FNBP1: variants seen among roughly 807,000 people sequenced by gnomAD.
The protein encoded by FNBP1 is formin-binding protein 1.
In FNBP1, 26 loss-of-function variants were observed where a neutral mutation model predicts 90.6. The ratio of observed to expected loss-of-function variants is 0.29; its 90% confidence interval spans 0.21 to 0.40. FNBP1 has a LOEUF of 0.40. Ranked by LOEUF, FNBP1 falls within the 10% of genes least tolerant of loss-of-function variation. The pLI is 1.00. For missense variants in FNBP1, 635 were observed against 768.0 expected (o/e 0.83, Z 2.05); for synonymous variants, 260 against 265.2 (o/e 0.98, Z 0.19).
chr9:130,013,893 C>T (rs1564575745), intron 1 of FNBP1: 3 of 429,858 alleles, frequency 7.0e-6, no homozygotes, highest in African/African-American at 6.1e-5. Flanking sequence ...AAAAGGCCTT[C>T]AACTGGTGCC....
chr9:129,907,583 GTGTGTGT>G (rs1564289655), intron 12 of FNBP1, among the ~76,000 whole-genome samples: 14 of 3,266 alleles, frequency 4.3e-3, no homozygotes, highest in East Asian at 0.025. Flanking sequence ...GAGTGAGGGT[GTGTGTGT>G]GTGTGTGTGT....
rs866869808 is a variant in FNBP1, at chr9:130,036,677, T to C, written c.24+6275A>G. Among the ~76,000 whole-genome samples, 115 of 152,292 alleles carry C rather than the reference T, an allele frequency of 7.6e-4. 1 individual carries two copies. The highest frequency in any genetic ancestry group is 2.5e-3 in the African/African-American group (103 of 41,570). On this transcript the variant is annotated intron_variant, in intron 1 of 16. Transcript: ENST00000446176. Reference sequence around the variant, plus strand: ...TGAAGCAGTTCTGCCCTACCCACCATGGTTCAGGGAGTATTATCTCCCCTG... The same window carrying C: ...TGAAGCAGTTCTGCCCTACCCACCACGGTTCAGGGAGTATTATCTCCCCTG...
intron 6 of FNBP1, among the ~76,000 whole-genome samples, chr9:129,930,596 A>G (rs1223709836): frequency 6.6e-6 from 1 of 152,180 alleles, no homozygotes. Context: ...TAATTTACAC[A>G]TTTGTTTTTC....
At chr9:129,908,202 CTCTTT>C (rs1372338834) in intron 12 of FNBP1, among the ~76,000 whole-genome samples, 2 of 88,746 alleles carry the variant, frequency 2.3e-5, no homozygotes, top group East Asian at 7.5e-4. Context: ...TGGTCTCTCT[CTCTTT>C]TTTTTTTTTT....
Position 129,893,439 on chromosome 9 carries a change from C to CT in FNBP1, c.1846+2398dup, listed in dbSNP as rs1352658358. 3.6e-3 allele frequency among the ~76,000 whole-genome samples: 420 copies of CT among 116,078 alleles called. 2 individuals carry two copies. The highest frequency in any genetic ancestry group is 0.011 in the African/African-American group (394 of 34,668). The allele number at this position is 116,078 out of a possible 152,430, so 76.2% of individuals were successfully genotyped here. A position where few individuals can be genotyped will look rare whatever the true frequency, so the allele number is the denominator to read the frequency against. Reference sequence around the variant, plus strand: ...CCAACATGGTGAAAACCTGTCTTTACTAAAAAAAAAAAAAAATACAAAGAT... The same window carrying CT: ...CCAACATGGTGAAAACCTGTCTTTACTTAAAAAAAAAAAAAAATACAAAGAT... On this transcript the variant is annotated intron_variant, in intron 16 of 16. Transcript: ENST00000446176.
intron 1 of FNBP1, among the ~76,000 whole-genome samples, chr9:130,005,740 AAG>A (rs1412725626): frequency 6.6e-6 from 1 of 152,234 alleles, no homozygotes; most frequent in African/African-American, 2.4e-5. Flanking sequence ...TGCCCACAAA[AAG>A]AATAAATTAC....
chr9:129,979,743 G>A (rs550262089), intron 2 of FNBP1, among the ~76,000 whole-genome samples: 12 of 152,078 alleles, frequency 7.9e-5, no homozygotes, highest in Middle Eastern at 3.4e-3. Context: ...GGGTTCAAGC[G>A]ATTCTCCTGC....
intron 2 of FNBP1, among the ~76,000 whole-genome samples, chr9:129,980,324 C>T (rs2050999116): frequency 6.7e-6 from 1 of 149,178 alleles, no homozygotes; most frequent in Admixed American, 6.7e-5. Flanking sequence ...CGCACCATTG[C>T]ACTCCAGCCT....
chr9:129,913,632 G>A (rs541188035), intron 11 of FNBP1, among the ~76,000 whole-genome samples: 38 of 152,088 alleles, frequency 2.5e-4, no homozygotes, highest in Non-Finnish European at 4.1e-4. Context: ...TTAGCTGGGT[G>A]TGGTGGCGCG....
In FNBP1 at chr9:130,034,348, T is replaced by C. The variant is rs553885191; in HGVS notation, c.24+8604A>G. On this transcript the variant is annotated intron_variant, in intron 1 of 16. Transcript: ENST00000446176. ...AAAAAAACAAGTTGGTCAGGCGTGG[T>C]AGTGTACACCTGTGGTCCCAGCTAA... Among the ~76,000 whole-genome samples, 15 of 147,536 alleles carry C rather than the reference T, an allele frequency of 1.0e-4. 1 individual carries two copies. In the Admixed American group the frequency reaches 1.0e-3, roughly 10 times the overall value.
chr9:129,927,955 A>G (rs2042167045), intron 7 of FNBP1, among the ~76,000 whole-genome samples: 1 of 152,108 alleles, frequency 6.6e-6, no homozygotes. Flanking sequence ...TTTGTAATCT[A>G]CCTCAAACGT....
intron 6 of FNBP1, among the ~76,000 whole-genome samples, chr9:129,953,694 A>C (rs2046502992): frequency 6.6e-6 from 1 of 152,072 alleles, no homozygotes; most frequent in South Asian, 2.1e-4. Flanking sequence ...ACAGTACTTA[A>C]GTGGGAAGTC....
chr9:129,909,885 T>C (rs2038918935), intron 11 of FNBP1, among the ~76,000 whole-genome samples: 1 of 152,164 alleles, frequency 6.6e-6, no homozygotes, highest in African/African-American at 2.4e-5. Flanking sequence ...GCGCCCAGCC[T>C]AGTGACTTCT....
At chr9:130,034,238 G>A (rs1414051319) in intron 1 of FNBP1, among the ~76,000 whole-genome samples, 1 of 151,682 alleles carries the variant, frequency 6.6e-6, no homozygotes, top group Non-Finnish European at 1.5e-5. Context: ...GCTTGAACTC[G>A]GGAGGCGGAG....
At chr9:130,001,537 G>A (rs746586036) in intron 1 of FNBP1, among the ~76,000 whole-genome samples, 18 of 152,028 alleles carry the variant, frequency 1.2e-4, no homozygotes, top group Non-Finnish European at 2.2e-4. Flanking sequence ...AAACTCCAGA[G>A]GTCCAGGGAC....
intron 4 of FNBP1, among the ~76,000 whole-genome samples, chr9:129,965,997 G>A (rs1048880904): frequency 6.6e-6 from 1 of 152,144 alleles, no homozygotes; most frequent in South Asian, 2.1e-4. Flanking sequence ...GAGTGCCAGG[G>A]TGATCATCCC....
At chr9:129,929,488 C>T in intron 7 of FNBP1, 79 bp downstream of exon 7, 1 of 1,273,994 alleles carries the variant, frequency 7.8e-7, no homozygotes. Flanking sequence ...ACAAACCCAG[C>T]AATCACGATT....
At chr9:129,965,844 G>GAAGA in intron 4 of FNBP1, among the ~76,000 whole-genome samples, 1 of 151,454 alleles carries the variant, frequency 6.6e-6, no homozygotes, top group Non-Finnish European at 1.5e-5. Flanking sequence ...AGGAAGGAAG[G>GAAGA]AAGGAAGGAA....
chr9:129,994,742 G>T (rs1033784978), intron 2 of FNBP1, 101 bp downstream of exon 2: 6 of 491,480 alleles, frequency 1.2e-5, no homozygotes, highest in Middle Eastern at 5.5e-4. Context: ...TACATAAAAG[G>T]AAAAATATTT....
Sources: allele counts gnomAD v4.1 joint callset (sites outside exome capture counted in the v4.1 genomes callset), GRCh38; gene constraint gnomAD v4.1.1; transcripts MANE v1.5; gene names NCBI Gene and HGNC (gene_info 2026-07-23, HGNC 2026-07-21).